TRPC6: variants seen among roughly 807,000 people sequenced by gnomAD.
TRPC6 encodes the protein transient receptor potential cation channel subfamily C member 6, also known as short transient receptor potential channel 6.
TRPC6 carries 55 observed loss-of-function variants against 90.7 expected under a neutral mutation model. The ratio of observed to expected loss-of-function variants is 0.61; its 90% CI spans 0.49 to 0.76. TRPC6 has a LOEUF of 0.76. Ranked by LOEUF, TRPC6 falls within the 30% of genes least tolerant of loss-of-function variation. TRPC6 has a pLI of 0.00. For synonymous variants in TRPC6, 393 were observed against 393.0 expected (o/e 1.00, Z 0.00); for missense variants, 989 against 1,122.7 (o/e 0.88, Z 1.70).
At chr11:101,572,109 G>T (rs2136888952) in intron 1 of TRPC6, among the ~76,000 whole-genome samples, 1 of 152,144 alleles carries the variant, frequency 6.6e-6, no homozygotes, top group South Asian at 2.1e-4. Context: ...GAAATTTTTT[G>T]CAATCTATCC....
At chr11:101,569,294 G>T (rs1399869982) in intron 1 of TRPC6, among the ~76,000 whole-genome samples, 2 of 151,984 alleles carry the variant, frequency 1.3e-5, no homozygotes, top group African/African-American at 4.8e-5. Context: ...ATGATAAACG[G>T]ATCAATGCAA....
chr11:101,575,353 T>A (rs189745380), intron 1 of TRPC6, among the ~76,000 whole-genome samples: 131 of 152,352 alleles, frequency 8.6e-4, no homozygotes, highest in African/African-American at 3.0e-3. Context: ...TTTCAAAACC[T>A]AGTTTCACTC....
At chr11:101,531,777 AT>A (rs1175312528) in intron 1 of TRPC6, among the ~76,000 whole-genome samples, 1 of 152,110 alleles carries the variant, frequency 6.6e-6, no homozygotes, top group Non-Finnish European at 1.5e-5. Context: ...TATATATTAC[AT>A]TTTTTTGTAT....
chr11:101,558,422 C>T (rs1565243557), intron 1 of TRPC6, among the ~76,000 whole-genome samples: 9 of 126,644 alleles, frequency 7.1e-5, no homozygotes, highest in Non-Finnish European at 9.9e-5. Flanking sequence ...TACACACACA[C>T]ATATCTACAT....
chr11:101,507,887 G>A (rs1046247985), intron 1 of TRPC6, among the ~76,000 whole-genome samples: 2 of 151,990 alleles, frequency 1.3e-5, no homozygotes, highest in Non-Finnish European at 2.9e-5. Flanking sequence ...TGCTTTCAAT[G>A]TACCATTTCT....
intron 1 of TRPC6, among the ~76,000 whole-genome samples, chr11:101,550,177 A>G (rs1861419679): frequency 6.6e-6 from 1 of 151,744 alleles, no homozygotes; most frequent in South Asian, 2.1e-4. Context: ...TTTAGAATCA[A>G]CTTACATATG....
intron 9 of TRPC6, among the ~76,000 whole-genome samples, chr11:101,469,866 A>T (rs1175233196): frequency 5.9e-5 from 9 of 152,244 alleles, no homozygotes; most frequent in Admixed American, 5.9e-4. Context: ...AAAGCTTTAA[A>T]ATTCTCAAAG....
intron 2 of TRPC6, among the ~76,000 whole-genome samples, chr11:101,494,985 A>G (rs1475880773): frequency 6.6e-6 from 1 of 152,196 alleles, no homozygotes; most frequent in African/African-American, 2.4e-5. Flanking sequence ...TCACTCAAAT[A>G]AAATGTTGGT....
At chr11:101,568,021 G>A (rs932462161) in intron 1 of TRPC6, among the ~76,000 whole-genome samples, 22 of 152,158 alleles carry the variant, frequency 1.4e-4, no homozygotes, top group African/African-American at 4.8e-4. Flanking sequence ...GAATGAGTTT[G>A]ACGAACTGAC....
chr11:101,571,500 A>G (rs1285429817), intron 1 of TRPC6, among the ~76,000 whole-genome samples: 1 of 152,222 alleles, frequency 6.6e-6, no homozygotes, highest in Non-Finnish European at 1.5e-5. Context: ...GACTTTCTTC[A>G]CAGAATTGGA....
chr11:101,553,458 A>G (rs781613413), intron 1 of TRPC6, among the ~76,000 whole-genome samples: 8 of 152,094 alleles, frequency 5.3e-5, no homozygotes, highest in Non-Finnish European at 8.8e-5. Context: ...AAATGCAAAT[A>G]TCTCCCGGCC....
At chr11:101,567,079 G>A (rs1195976678) in intron 1 of TRPC6, among the ~76,000 whole-genome samples, 1 of 141,872 alleles carries the variant, frequency 7.0e-6, no homozygotes, top group Non-Finnish European at 1.6e-5. Flanking sequence ...GGTGGGGGGG[G>A]TCCAACCCCC....
In TRPC6 at chr11:101,583,931, C is replaced by A. The variant is rs199510175; in HGVS notation, c.-428G>T. 6.1e-6 allele frequency: 1 copy of A among 163,740 alleles called. No individual in the cohort carries two copies. Among genetic ancestry groups the A allele is most frequent in the Non-Finnish European group, 1.3e-5 (1 of 76,146 alleles). The allele number at this position is 163,740 out of a possible 1,614,324, so 10.1% of individuals were successfully genotyped here. ...CCCGCACTCTCCGTCAAGATCCCCA[C>A]CTTTAAAGGGATCCGAGCGACGTTC... On this transcript the variant is annotated 5_prime_UTR_variant, in exon 1 of 13. Coordinates refer to ENST00000344327, the MANE Select transcript of TRPC6 (RefSeq NM_004621.6).
intron 2 of TRPC6, among the ~76,000 whole-genome samples, chr11:101,495,632 T>TCA (rs1565216728): frequency 1.2e-4 from 18 of 147,236 alleles, no homozygotes; most frequent in South Asian, 2.1e-4. Flanking sequence ...ATTATTATTA[T>TCA]TATCATTGTT....
chr11:101,569,849 C>G (rs1314093688), intron 1 of TRPC6, among the ~76,000 whole-genome samples: 2 of 152,122 alleles, frequency 1.3e-5, no homozygotes, highest in Admixed American at 6.6e-5. Flanking sequence ...GTACCAGAAT[C>G]TCTGGGATGC....
At chr11:101,516,739 G>A (rs1027834722) in intron 1 of TRPC6, among the ~76,000 whole-genome samples, 5 of 152,214 alleles carry the variant, frequency 3.3e-5, no homozygotes, top group Admixed American at 1.3e-4. Context: ...CTCAGGGGGT[G>A]ACCATGAATT....
chr11:101,561,385 A>C (rs1367699844), intron 1 of TRPC6, among the ~76,000 whole-genome samples: 1 of 152,210 alleles, frequency 6.6e-6, no homozygotes, highest in East Asian at 1.9e-4. Flanking sequence ...CATTCATTTC[A>C]GTTAGAATAA....
In TRPC6 at chr11:101,476,246, T is replaced by C. The variant is rs1360205286; in HGVS notation, c.1744+55A>G. ...CAGTAACCGAACTACTACTGACATC[T>C]GTTTTACAAGAAAATTCTGCATTTT... is the stretch of plus-strand genomic sequence containing the variant. On this transcript the variant is annotated intron_variant, in intron 6 of 12. Coordinates refer to ENST00000344327, the MANE Select transcript of TRPC6 (RefSeq NM_004621.6). The C allele has an allele frequency of 4.1e-6, 6 of 1,464,500 alleles. 1 individual carries two copies. Among genetic ancestry groups the C allele is most frequent in the Non-Finnish European group, 5.7e-6 (6 of 1,048,468 alleles). The allele number at this position is 1,464,500 out of a possible 1,614,324, so 90.7% of individuals were successfully genotyped here. A position where few individuals can be genotyped will look rare whatever the true frequency, so the allele number is the denominator to read the frequency against.
intron 11 of TRPC6, among the ~76,000 whole-genome samples, chr11:101,454,307 A>T (rs898258229): frequency 6.6e-6 from 1 of 152,270 alleles, no homozygotes; most frequent in East Asian, 1.9e-4. Context: ...ATAGAACTAA[A>T]TAAAATTTTA....
Sources: gnomAD v4.1 joint callset for allele counts (sites outside exome capture counted in the v4.1 genomes callset) on GRCh38, gnomAD v4.1.1 for gene constraint, MANE v1.5 for transcripts, NCBI Gene and HGNC (gene_info 2026-07-23, HGNC 2026-07-21) for gene names.